PARD3B: variants seen among roughly 807,000 people sequenced by gnomAD.
PARD3B encodes par-3 family cell polarity regulator beta.
Under a neutral mutation model 130.2 loss-of-function variants are expected in PARD3B, and 103 were observed. The observed-to-expected ratio is 0.79, with a 90% CI of 0.67 to 0.93. The LOEUF (loss-of-function observed/expected upper bound fraction) is 0.93. PARD3B is among the 40% of genes least tolerant of loss of function. PARD3B has a pLI of 0.00. For synonymous variants in PARD3B, 583 were observed against 553.2 expected (o/e 1.05, Z -0.76); for missense variants, 1,609 against 1,499.2 (o/e 1.07, Z -1.21).
chr2:204,545,921 C>G lies in PARD3B; in HGVS notation c.-79C>G, dbSNP rs2029890843. 5.7e-6 allele frequency: 8 copies of G among 1,414,656 alleles called. No individual in the cohort carries two copies. The South Asian group carries it at 1.2e-4, about 21-fold the overall frequency. The allele number at this position is 1,414,656 out of a possible 1,614,324, so 87.6% of individuals were successfully genotyped here. On this transcript the variant is annotated 5_prime_UTR_variant, in exon 1 of 23. Coordinates refer to ENST00000406610, the MANE Select transcript of PARD3B (RefSeq NM_001302769.2). ...GGTCTCTGGGCCCACCCGCCCCGGG[C>G]GTCCTCCGAGAGTGGGGGCTGCGCC...
chr2:205,488,317 C>G (rs756115414), intron 20 of PARD3B, among the ~76,000 whole-genome samples: 6 of 152,054 alleles, frequency 3.9e-5, no homozygotes, highest in African/African-American at 1.4e-4. Flanking sequence ...CTCATAAGGA[C>G]CATGCAACCT....
intron 21 of PARD3B, among the ~76,000 whole-genome samples, chr2:205,531,199 A>G (rs2051576579): frequency 1.3e-5 from 2 of 152,196 alleles, no homozygotes; most frequent in African/African-American, 4.8e-5. Flanking sequence ...CAAGAGGGGA[A>G]CTGCAAATGT....
At chr2:205,542,035 C>G (rs111440095) in intron 21 of PARD3B, among the ~76,000 whole-genome samples, 1 of 149,878 alleles carries the variant, frequency 6.7e-6, no homozygotes, top group African/African-American at 2.5e-5. Flanking sequence ...CTCAGCTACT[C>G]GGGAAGCTGA....
chr2:204,971,496 A>G (rs953912293), intron 3 of PARD3B, among the ~76,000 whole-genome samples: 3 of 152,234 alleles, frequency 2.0e-5, no homozygotes, highest in African/African-American at 7.2e-5. Flanking sequence ...AGATGAATTC[A>G]TAAGTTACAA....
intron 16 of PARD3B, among the ~76,000 whole-genome samples, chr2:205,259,276 A>G (rs1425577268): frequency 2.0e-5 from 3 of 152,114 alleles, no homozygotes; most frequent in South Asian, 4.1e-4. Flanking sequence ...CCTTCCAGAC[A>G]TTCTTTAATG....
intron 4 of PARD3B, among the ~76,000 whole-genome samples, chr2:205,065,378 A>G (rs1053055514): frequency 6.6e-6 from 1 of 152,230 alleles, no homozygotes; most frequent in Non-Finnish European, 1.5e-5. Flanking sequence ...TAAAACACAC[A>G]CAAAAAAAGC....
chr2:205,274,517 T>C lies in PARD3B; in HGVS notation c.2186-26013T>C, dbSNP rs1471473134. Among the ~76,000 whole-genome samples the C allele has an allele frequency of 4.7e-5, 6 of 128,800 alleles. No homozygotes were observed. Among genetic ancestry groups the C allele is most frequent in the Admixed American group, 8.9e-5 (1 of 11,276 alleles). 84.5% of individuals were successfully genotyped at this position (128,800 alleles called of 152,430 possible). ...AACATTAATTATTAAATATGAATAG[T>C]ATTAAATGTGTGGTACATTGCTTTT... is the stretch of plus-strand genomic sequence containing the variant. On this transcript the variant is annotated intron_variant, in intron 16 of 22. Coordinates refer to ENST00000406610, the MANE Select transcript of PARD3B (RefSeq NM_001302769.2). The surrounding 1 kb of genome is among the most constrained non-coding windows in gnomAD (Gnocchi z 4.2).
intron 21 of PARD3B, among the ~76,000 whole-genome samples, chr2:205,501,629 G>A (rs564075013): frequency 1.4e-4 from 22 of 152,296 alleles, no homozygotes; most frequent in African/African-American, 4.3e-4. Flanking sequence ...GCATTGAAAA[G>A]TGCTCTATCT....
chr2:205,540,732 A>C (rs140824037), intron 21 of PARD3B, among the ~76,000 whole-genome samples: 79 of 152,330 alleles, frequency 5.2e-4, no homozygotes, highest in African/African-American at 1.8e-3. Context: ...ATGGTACTTG[A>C]GCAGCAAGAA....
At chr2:205,117,156 G>A (rs1236536667) in intron 6 of PARD3B, among the ~76,000 whole-genome samples, 2 of 152,092 alleles carry the variant, frequency 1.3e-5, no homozygotes, top group East Asian at 3.8e-4. Flanking sequence ...TGAACTCTTA[G>A]GATGCTGTTT....
chr2:205,151,244 T>C (rs2033734992), intron 10 of PARD3B, among the ~76,000 whole-genome samples: 1 of 152,198 alleles, frequency 6.6e-6, no homozygotes, highest in South Asian at 2.1e-4. Flanking sequence ...TTCTGTTGAT[T>C]TGGGGTGGAG....
At chr2:204,892,616 T>C (rs940595266) in intron 2 of PARD3B, among the ~76,000 whole-genome samples, 1 of 152,144 alleles carries the variant, frequency 6.6e-6, no homozygotes, top group South Asian at 2.1e-4. Context: ...GCTGCTGTAC[T>C]GAGAAAAGAT....
rs59271830 is a variant in PARD3B at position 205,363,832 on chromosome 2, C to CT, written c.2631-37151dup. 4.0e-4 allele frequency among the ~76,000 whole-genome samples: 39 copies of CT among 97,172 alleles called. 1 individual carries two copies. Among genetic ancestry groups the CT allele is most frequent in the Non-Finnish European group, 5.6e-4 (31 of 54,912 alleles). The allele number at this position is 97,172 out of a possible 152,430, so 63.7% of individuals were successfully genotyped here. A position where few individuals can be genotyped will look rare whatever the true frequency, so the allele number is the denominator to read the frequency against. On this transcript the variant is annotated intron_variant, in intron 18 of 22. Coordinates refer to ENST00000406610, the MANE Select transcript of PARD3B (RefSeq NM_001302769.2). The stretch of plus-strand genomic sequence containing the variant: ...GGCATGCGCCACAACGCCTGACTGA[C>CT]TTTTTTTTTTTTTTTTTTTTTTTTT...
At chr2:204,881,082 T>C (rs1222554516) in intron 2 of PARD3B, among the ~76,000 whole-genome samples, 1 of 152,228 alleles carries the variant, frequency 6.6e-6, no homozygotes, top group Non-Finnish European at 1.5e-5. Flanking sequence ...AAACAATTGA[T>C]GTTTACCTCA....
intron 22 of PARD3B, among the ~76,000 whole-genome samples, chr2:205,593,060 T>G (rs2054444814): frequency 6.6e-6 from 1 of 152,240 alleles, no homozygotes; most frequent in Admixed American, 6.5e-5. Flanking sequence ...AGGAGTAAGA[T>G]GGCCCTCTGG....
intron 3 of PARD3B, among the ~76,000 whole-genome samples, chr2:205,046,154 C>G (rs925386381): frequency 2.0e-5 from 3 of 151,904 alleles, no homozygotes; most frequent in Admixed American, 2.0e-4. Flanking sequence ...GGAACTTAGT[C>G]TTCAGATTAC....
At chr2:205,302,540 T>C (rs2042048618) in intron 18 of PARD3B, among the ~76,000 whole-genome samples, 1 of 152,206 alleles carries the variant, frequency 6.6e-6, no homozygotes, top group African/African-American at 2.4e-5. Flanking sequence ...CTGCAGTCCT[T>C]TGTACCAAAG....
Position 205,300,042 on chromosome 2 carries a change from A to T in PARD3B, c.2186-488A>T, listed in dbSNP as rs2041939127. On this transcript the variant is annotated intron_variant, in intron 16 of 22. Transcript: ENST00000406610. The surrounding 1 kb of genome is among the most constrained non-coding windows in gnomAD (Gnocchi z 4.1). ...TACTAATCATATGAGCAACCATGGC[A>T]ATGATAAAAGCTGTCAGGTGTGGGA... 6.6e-6 allele frequency among the ~76,000 whole-genome samples: 1 copy of T among 152,192 alleles called. No homozygotes were observed. Among genetic ancestry groups the T allele is most frequent in the Non-Finnish European group, 1.5e-5 (1 of 68,034 alleles).
chr2:205,454,394 A>G (rs1217575138), intron 20 of PARD3B, among the ~76,000 whole-genome samples: 1 of 152,152 alleles, frequency 6.6e-6, no homozygotes, highest in Non-Finnish European at 1.5e-5. Context: ...AAAGGGCCGG[A>G]AAAGATAGTT....
Sources: allele counts gnomAD v4.1 joint callset (sites outside exome capture counted in the v4.1 genomes callset), GRCh38; gene constraint gnomAD v4.1.1; non-coding constraint Gnocchi (gnomAD v3.1); transcripts MANE v1.5; gene names NCBI Gene and HGNC (gene_info 2026-07-23, HGNC 2026-07-21).